The following CEACAM3 variants were observed in gnomAD, a reference collection of about 807,000 sequenced individuals.
The protein encoded by CEACAM3 is cell adhesion molecule CEACAM3.
A neutral mutation model predicts 30.1 loss-of-function variants in CEACAM3; 32 were observed. The observed-to-expected ratio is 1.06, with a 90% CI of 0.80 to 1.43. The LOEUF (loss-of-function observed/expected upper bound fraction) is 1.43. Ranked by LOEUF, CEACAM3 falls within the 40% of genes most tolerant of loss-of-function variation. CEACAM3 has a pLI of 0.00. For missense variants in CEACAM3, 290 were observed against 316.3 expected (o/e 0.92, Z 0.63); for synonymous variants, 134 against 127.2 (o/e 1.05, Z -0.36).
chr19:41,804,934 A>G (rs2073186364), intron 2 of CEACAM3, among the ~76,000 whole-genome samples: 1 of 152,134 alleles, frequency 6.6e-6, no homozygotes, highest in African/African-American at 2.4e-5. Context: ...GGAGAATCCC[A>G]AATCCAAAAA....
chr19:41,797,410 G>A (rs1600513186), intron 1 of CEACAM3, 179 bp from the exon 2 acceptor site: 2 of 780,874 alleles, frequency 2.6e-6, no homozygotes, highest in East Asian at 5.3e-5. Context: ...TTCCACACAG[G>A]AAAATGCCAA....
At chr19:41,810,292 C>A in intron 4 of CEACAM3, 31 bp from the exon 5 acceptor site, 2 of 1,597,576 alleles carry the variant, frequency 1.3e-6, no homozygotes, top group South Asian at 1.1e-5. Context: ...TCTCCTCCCA[C>A]CCTGCTGCTC....
At position 41,804,589 on chromosome 19, in the gene CEACAM3, C is replaced by T. The variant is rs572082346; in HGVS notation, c.425-4224C>T. Among the ~76,000 whole-genome samples the T allele has an allele frequency of 5.3e-5, 8 of 152,284 alleles. No homozygotes were observed. The South Asian group carries it at 1.7e-3, about 32-fold the overall frequency. The stretch of plus-strand genomic sequence containing the variant: ...GTATTATTGAGACATCTCAGACTTT[C>T]CCTCTGACCAGTTCTGTCTTCCTAA... On this transcript the variant is annotated intron_variant, in intron 2 of 6. Transcript: ENST00000357396.
In CEACAM3 at chr19:41,810,374, G is replaced by T; in HGVS notation, c.627+20G>T. Reference sequence around the variant, plus strand: ...TTCTCGGTAAGCCTGTCCCCTTCCAGCCCCTTTCTACTGGGGTCCCAGCTG... The same window carrying T: ...TTCTCGGTAAGCCTGTCCCCTTCCATCCCCTTTCTACTGGGGTCCCAGCTG... On this transcript the variant is annotated intron_variant, in intron 5 of 6. Coordinates refer to ENST00000357396, the MANE Select transcript of CEACAM3 (RefSeq NM_001815.5). The T allele has an allele frequency of 6.3e-7, 1 of 1,593,632 alleles. No individual in the cohort carries two copies.
At position 41,811,418 on chromosome 19, in the gene CEACAM3, G is replaced by T. The variant is rs1555827675; in HGVS notation, c.*181G>T. The T allele has an allele frequency of 3.0e-5, 18 of 608,364 alleles. No homozygotes were observed. Among genetic ancestry groups the T allele is most frequent in the Non-Finnish European group, 5.3e-5 (18 of 341,544 alleles). The allele number at this position is 608,364 out of a possible 1,614,324, so 37.7% of individuals were successfully genotyped here. On this transcript the variant is annotated 3_prime_UTR_variant, in exon 7 of 7. Transcript: ENST00000357396. ...GAATATCTGGAGACCTCGACAGCCT[G>T]CCCTAGGCCCTGGGTGGGTCAGGAC...
intron 2 of CEACAM3, among the ~76,000 whole-genome samples, chr19:41,802,238 A>G (rs2073155922): frequency 6.6e-6 from 1 of 152,152 alleles, no homozygotes; most frequent in Non-Finnish European, 1.5e-5. Flanking sequence ...TCATTCAGCT[A>G]TGGGGCTCCC....
intron 2 of CEACAM3, among the ~76,000 whole-genome samples, chr19:41,808,598 A>G (rs956976604): frequency 8.5e-5 from 13 of 152,222 alleles, no homozygotes; most frequent in African/African-American, 2.7e-4. Flanking sequence ...CTCTGGGACA[A>G]TGTATGAGTT....
chr19:41,802,053 C>A (rs7251931), intron 2 of CEACAM3, among the ~76,000 whole-genome samples: 1 of 151,734 alleles, frequency 6.6e-6, no homozygotes, highest in African/African-American at 2.4e-5. Flanking sequence ...GGACAGCCAC[C>A]TTGAGGCTAG....
intron 4 of CEACAM3, 116 bp from the exon 5 acceptor site, chr19:41,810,207 C>A: frequency 7.1e-7 from 1 of 1,399,468 alleles, no homozygotes; most frequent in Non-Finnish European, 1.0e-6. Flanking sequence ...GGTCATGGGT[C>A]ACCTCCCCAA....
rs1024487795 is a variant in CEACAM3 at position 41,810,340 on chromosome 19, A to C, written c.613A>C (p.Ser205Arg). 1 of 1,603,806 alleles carries C rather than the reference A, an allele frequency of 6.2e-7. No homozygotes were observed. The highest frequency in any genetic ancestry group is 1.1e-5 in the South Asian group (1 of 88,786). The change falls in exon 5 of 7, where the codon AGC (serine) becomes CGC (arginine). Residue 205 changes from serine (S) to arginine (R), a missense_variant. By Grantham distance (110) the Ser-to-Arg change is moderately radical (BLOSUM62 -1). Coordinates refer to ENST00000357396, the MANE Select transcript of CEACAM3 (RefSeq NM_001815.5). ...GTTTCCAGGCCGTGGTCCCTCCCAC[A>C]GCTCTGCCTTCTCGGTAAGCCTGTC... is the stretch of plus-strand genomic sequence containing the variant. ...ALAPGRGPSHSSAFSMSPLST... is the reference protein window; with the variant it reads ...ALAPGRGPSHRSAFSMSPLST...
intron 2 of CEACAM3, among the ~76,000 whole-genome samples, chr19:41,802,926 C>A (rs1555826171): frequency 6.6e-6 from 1 of 152,180 alleles, no homozygotes; most frequent in Admixed American, 6.5e-5. Context: ...GCCCAGGCTG[C>A]AGACCTCATC....
rs933164931 is a variant in CEACAM3 at position 41,797,773 on chromosome 19, A to G, written c.249A>G (p.Val83=). ...GCAACAGTCTAATTGTAGGATATGT[A>G]ATAGGAACTCAACAAGCTACCCCAG... ...VDGNSLIVGY[V]IGTQQATPGA... Residue 83 remains valine (V), a synonymous_variant, in exon 2 of 7, where the codon GTA becomes GTG. Coordinates refer to ENST00000357396, the MANE Select transcript of CEACAM3 (RefSeq NM_001815.5). 8.1e-6 allele frequency: 13 copies of G among 1,612,330 alleles called. No homozygotes were observed. Among genetic ancestry groups the G allele is most frequent in the Non-Finnish European group, 1.1e-5 (13 of 1,180,010 alleles).
chr19:41,803,660 G>T lies in CEACAM3; in HGVS notation c.425-5153G>T, dbSNP rs193243433. ...TTTTTGTATTTTTAGTAGAGACGGA[G>T]TTTCACCGTGTTATCCAGGATGGTC... On this transcript the variant is annotated intron_variant, in intron 2 of 6. Transcript: ENST00000357396. Among the ~76,000 whole-genome samples, 265 of 124,034 alleles carry T rather than the reference G, an allele frequency of 2.1e-3. 2 individuals carry two copies. Among genetic ancestry groups the T allele is most frequent in the African/African-American group, 6.1e-3 (234 of 38,502 alleles). 81.4% of individuals were successfully genotyped at this position (124,034 alleles called of 152,430 possible). A position where few individuals can be genotyped will look rare whatever the true frequency, so the allele number is the denominator to read the frequency against.
intron 2 of CEACAM3, among the ~76,000 whole-genome samples, chr19:41,798,754 C>T (rs1259212974): frequency 6.6e-6 from 1 of 152,218 alleles, no homozygotes; most frequent in African/African-American, 2.4e-5. Context: ...GATGCTGTTC[C>T]TTTGGGCAGC....
chr19:41,797,865 A>G lies in CEACAM3; in HGVS notation c.341A>G (p.Gln114Arg), dbSNP rs782434310. Residue 114 changes from glutamine to arginine, a missense_variant, in exon 2 of 7, where the codon CAG becomes CGG. By Grantham distance (43) the Gln-to-Arg change is conservative (BLOSUM62 1). Coordinates refer to ENST00000357396, the MANE Select transcript of CEACAM3 (RefSeq NM_001815.5). The stretch of plus-strand genomic sequence containing the variant: ...TCCCTGCTGATCCAGAATGTCACCC[A>G]GAATGACATAGGATTCTACACCCTA... ...NASLLIQNVT[Q>R]NDIGFYTLQV... 1 of 1,614,008 alleles carries G rather than the reference A, an allele frequency of 6.2e-7. No homozygotes were observed. The highest frequency in any genetic ancestry group is 8.5e-7 in the Non-Finnish European group (1 of 1,180,028).
intron 2 of CEACAM3, 28 bp downstream of exon 2, chr19:41,797,976 G>A: frequency 3.2e-6 from 5 of 1,573,868 alleles, no homozygotes; most frequent in Non-Finnish European, 4.3e-6. Context: ...ACCTCTGGGT[G>A]TTGGGGGTCA....
chr19:41,798,913 A>G (rs2073125225), intron 2 of CEACAM3, among the ~76,000 whole-genome samples: 1 of 152,196 alleles, frequency 6.6e-6, no homozygotes, highest in South Asian at 2.1e-4. Flanking sequence ...ACACAAGTCA[A>G]AGGTGTCAGA....
chr19:41,803,620 C>T lies in CEACAM3; in HGVS notation c.425-5193C>T, dbSNP rs1555826313. On this transcript the variant is annotated intron_variant, in intron 2 of 6. Transcript: ENST00000357396. ...TAGCTGGGACCACAGGCGCCCGCCA[C>T]CATGCCCGGCTAATTTTTTGTATTT... is the stretch of plus-strand genomic sequence containing the variant. Among the ~76,000 whole-genome samples, 2 of 152,024 alleles carry T rather than the reference C, an allele frequency of 1.3e-5. 1 individual carries two copies.
chr19:41,797,774 A>G lies in CEACAM3; in HGVS notation c.250A>G (p.Ile84Val), dbSNP rs535825647. 19 of 1,612,416 alleles carry G rather than the reference A, an allele frequency of 1.2e-5. No homozygotes were observed. The South Asian group carries it at 2.1e-4, about 18-fold the overall frequency. ...DGNSLIVGYV[I>V]GTQQATPGAA... is the part of the protein sequence containing the mutation. ...CAACAGTCTAATTGTAGGATATGTAATAGGAACTCAACAAGCTACCCCAGG... is the reference window on the plus strand; with the variant it reads ...CAACAGTCTAATTGTAGGATATGTAGTAGGAACTCAACAAGCTACCCCAGG... The change falls in exon 2 of 7, where the codon ATA becomes GTA. Residue 84 changes from isoleucine (I) to valine (V), a missense_variant. By Grantham distance (29) the Ile-to-Val change is conservative (BLOSUM62 3). Transcript: ENST00000357396.
Sources: allele counts gnomAD v4.1 joint callset (sites outside exome capture counted in the v4.1 genomes callset), GRCh38; gene constraint gnomAD v4.1.1; transcripts MANE v1.5; gene names NCBI Gene and HGNC (gene_info 2026-07-23, HGNC 2026-07-21).